Variants in UBE2Q1 observed in about 807,000 individuals in gnomAD.
The protein encoded by UBE2Q1 is ubiquitin conjugating enzyme E2 Q1, also known as ubiquitin-conjugating enzyme E2 Q1.
In UBE2Q1, 6 loss-of-function variants were observed where a neutral mutation model predicts 60.1. That is an observed-to-expected ratio of 0.10 (90% confidence interval 0.05 to 0.20). The LOEUF (loss-of-function observed/expected upper bound fraction) is 0.20. Ranked by LOEUF, UBE2Q1 falls within the 10% of genes least tolerant of loss-of-function variation. UBE2Q1 has a pLI of 1.00. For synonymous variants in UBE2Q1, 226 were observed against 208.3 expected (o/e 1.09, Z -0.73); for missense variants, 262 against 525.8 (o/e 0.50, Z 4.91).
rs574924526 is a variant in UBE2Q1, at chr1:154,554,297, A to C, written c.588+438T>G. Among the ~76,000 whole-genome samples, 3 of 151,424 alleles carry C rather than the reference A, an allele frequency of 2.0e-5. No individual in the cohort carries two copies. The South Asian group carries it at 6.2e-4, about 31-fold the overall frequency. ...TATTCTGTATGTTTTTAGAGAATAT[A>C]TCAGATAGATTGTTTAGCATTTATC... On this transcript the variant is annotated intron_variant, in intron 4 of 12. Coordinates refer to ENST00000292211, the MANE Select transcript of UBE2Q1 (RefSeq NM_017582.7).
intron 3 of UBE2Q1, 126 bp downstream of exon 3, chr1:154,555,302 A>G: frequency 1.3e-6 from 1 of 798,584 alleles, no homozygotes; most frequent in South Asian, 1.5e-5. Flanking sequence ...GGTGAGAGTC[A>G]TAAGACGTGT....
chr1:154,554,886 G>C (rs1571009887), intron 3 of UBE2Q1, 101 bp from the exon 4 acceptor site: 52 of 1,245,292 alleles, frequency 4.2e-5, no homozygotes, highest in East Asian at 2.3e-4. Flanking sequence ...GAAGTTGTGC[G>C]CCTGCCTGTA....
rs901578502 is a variant in UBE2Q1, at chr1:154,555,518, C to A, written c.447G>T (p.Leu149=). The part of the protein sequence containing the change: ...KKGNTLLLQH[L]KRIISDLCKL... ...TACACAGGTCGGAGATGATCCTCTTCAGATGCTGCAATAGCTACAGGTAGG... is the reference window on the plus strand; with the variant it reads ...TACACAGGTCGGAGATGATCCTCTTAAGATGCTGCAATAGCTACAGGTAGG... Residue 149 remains leucine, a synonymous_variant, in exon 3 of 13, where the codon CTG becomes CTT. Transcript: ENST00000292211. 1.2e-6 allele frequency: 2 copies of A among 1,614,122 alleles called. No homozygotes were observed. Among genetic ancestry groups the A allele is most frequent in the South Asian group, 2.2e-5 (2 of 91,076 alleles).
chr1:154,555,591 C>CACTT, intron 2 of UBE2Q1, 59 bp from the exon 3 acceptor site: 1 of 1,499,602 alleles, frequency 6.7e-7, no homozygotes, highest in Non-Finnish European at 9.3e-7. Context: ...TGGATAAGTG[C>CACTT]ATGGATGAGC....
At position 154,550,360 on chromosome 1, in the gene UBE2Q1, G is replaced by C; in HGVS notation, c.*78C>G. The C allele has an allele frequency of 1.3e-6, 2 of 1,583,400 alleles. No individual in the cohort carries two copies. Among genetic ancestry groups the C allele is most frequent in the African/African-American group, 2.7e-5 (2 of 74,414 alleles). ...AATGAGGGAGGGAACCACAGAGGCAGCGTGAGATCCAAATACAGCATTCAA... is the reference window on the plus strand; with the variant it reads ...AATGAGGGAGGGAACCACAGAGGCACCGTGAGATCCAAATACAGCATTCAA... On this transcript the variant is annotated 3_prime_UTR_variant, in exon 13 of 13. Coordinates refer to ENST00000292211, the MANE Select transcript of UBE2Q1 (RefSeq NM_017582.7).
intron 1 of UBE2Q1, among the ~76,000 whole-genome samples, chr1:154,556,980 C>G (rs1165816221): frequency 6.6e-6 from 1 of 152,190 alleles, no homozygotes; most frequent in Admixed American, 6.5e-5. Context: ...AAATAATTAT[C>G]AAAGATGCCC....
chr1:154,552,245 C>G (rs1379221698), intron 7 of UBE2Q1, 62 bp from the exon 8 acceptor site: 3 of 1,603,950 alleles, frequency 1.9e-6, no homozygotes, highest in Non-Finnish European at 2.6e-6. Flanking sequence ...CATAAGGGCT[C>G]CCCTGCCCTG....
rs1695740863 is a variant in UBE2Q1, at chr1:154,548,687, A to T, written c.*1751T>A. On this transcript the variant is annotated 3_prime_UTR_variant, in exon 13 of 13. Transcript: ENST00000292211. The stretch of plus-strand genomic sequence containing the variant: ...ACACATTACTAAAAACACAATCTAC[A>T]TTCCAGCCAGGGCTGGTGGTAAGTT... 1.3e-5 allele frequency: 2 copies of T among 152,696 alleles called. No homozygotes were observed. Among genetic ancestry groups the T allele is most frequent in the South Asian group, 4.1e-4 (2 of 4,834 alleles). 9.5% of individuals were successfully genotyped at this position (152,696 alleles called of 1,614,324 possible). A position where few individuals can be genotyped will look rare whatever the true frequency, so the allele number is the denominator to read the frequency against.
At chr1:154,552,327 G>T (rs917911667) in intron 7 of UBE2Q1, 77 bp downstream of exon 7, 1 of 1,592,388 alleles carries the variant, frequency 6.3e-7, no homozygotes, top group Non-Finnish European at 8.6e-7. Context: ...GGATGGGGCT[G>T]CCCTGGAGAT....
intron 4 of UBE2Q1, chr1:154,553,534 T>C (rs1431799234): frequency 5.3e-6 from 1 of 189,020 alleles, no homozygotes; most frequent in Non-Finnish European, 1.1e-5. Context: ...AGAAATGACT[T>C]GGGCCTGACC....
At position 154,558,456 on chromosome 1, in the gene UBE2Q1, C is replaced by G. The variant is rs1448704725; in HGVS notation, c.98G>C (p.Gly33Ala). The G allele has an allele frequency of 7.2e-7, 1 of 1,387,304 alleles. No homozygotes were observed. The highest frequency in any genetic ancestry group is 3.4e-5 in the Admixed American group (1 of 29,560). The allele number at this position is 1,387,304 out of a possible 1,614,324, so 85.9% of individuals were successfully genotyped here. A position where few individuals can be genotyped will look rare whatever the true frequency, so the allele number is the denominator to read the frequency against. ...CAGGCAGGGCCCCGGCCCCGGGCCC[C>G]CCCCTGGGCCGCCCCCGGCCCCCGG... ...AAPGAGGGPG[G>A]GPGPGPCLRR... The change falls in exon 1 of 13, where the codon GGG becomes GCG. Residue 33 changes from glycine to alanine, a missense_variant. Around this residue, in one of 5 missense-constraint regions of UBE2Q1, gnomAD observed 70 missense variants for 56.7 expected, o/e 1.24. Coordinates refer to ENST00000292211, the MANE Select transcript of UBE2Q1 (RefSeq NM_017582.7).
At chr1:154,551,605 C>T (rs909920218) in intron 10 of UBE2Q1, 113 bp from the exon 11 acceptor site, 5 of 1,437,932 alleles carry the variant, frequency 3.5e-6, no homozygotes, top group South Asian at 1.2e-5. Context: ...GCCCTTTGCC[C>T]CCAGCACTGC....
chr1:154,555,582 G>A, intron 2 of UBE2Q1, 50 bp from the exon 3 acceptor site: 1 of 1,540,984 alleles, frequency 6.5e-7, no homozygotes, highest in African/African-American at 1.4e-5. Context: ...ACTCCGATCT[G>A]GATAAGTGCA....
chr1:154,557,130 C>G (rs1265928596), intron 1 of UBE2Q1, among the ~76,000 whole-genome samples: 1 of 152,178 alleles, frequency 6.6e-6, no homozygotes, highest in Non-Finnish European at 1.5e-5. Flanking sequence ...TTTACCTCAC[C>G]AAATCTTAAC....
chr1:154,552,619 T>C (rs1300296677), intron 6 of UBE2Q1, 117 bp downstream of exon 6: 1 of 1,436,066 alleles, frequency 7.0e-7, no homozygotes, highest in Non-Finnish European at 9.5e-7. Flanking sequence ...AGGAGCTCCA[T>C]TCTTGGCCTG....
chr1:154,552,528 G>A (rs1361218686), intron 6 of UBE2Q1, 64 bp from the exon 7 acceptor site: 10 of 1,583,726 alleles, frequency 6.3e-6, no homozygotes, highest in African/African-American at 1.3e-5. Flanking sequence ...CTCTAATGCA[G>A]ACCCCTTTCC....
At chr1:154,551,239 A>G (rs1160697891) in intron 11 of UBE2Q1, 158 bp downstream of exon 11, 4 of 862,714 alleles carry the variant, frequency 4.6e-6, no homozygotes, top group Non-Finnish European at 7.2e-6. Flanking sequence ...GCCAAGGCAC[A>G]GTTGTTCCAT....
At chr1:154,554,443 A>G (rs569492351) in intron 4 of UBE2Q1, among the ~76,000 whole-genome samples, 9 of 152,202 alleles carry the variant, frequency 5.9e-5, no homozygotes, top group Non-Finnish European at 1.2e-4. Context: ...GATTACATAA[A>G]ATTCCTCAAT....
At chr1:154,553,420 C>T (rs2149361974) in intron 4 of UBE2Q1, among the ~76,000 whole-genome samples, 1 of 152,344 alleles carries the variant, frequency 6.6e-6, no homozygotes, top group South Asian at 2.1e-4. Flanking sequence ...AGAGCTGCAG[C>T]TGAGATCGAG....
Sources: allele counts gnomAD v4.1 joint callset (sites outside exome capture counted in the v4.1 genomes callset), GRCh38; gene constraint gnomAD v4.1.1; regional missense constraint gnomAD v4.1.1; transcripts MANE v1.5; gene names NCBI Gene and HGNC (gene_info 2026-07-23, HGNC 2026-07-21).